FAM193A: variants seen among roughly 807,000 people sequenced by gnomAD.
FAM193A encodes the protein protein FAM193A.
Under a neutral mutation model 126.5 loss-of-function variants are expected in FAM193A, and 22 were observed. The observed-to-expected ratio is 0.17, with a 90% CI of 0.12 to 0.25. FAM193A has a LOEUF of 0.25. FAM193A is among the 10% of genes least tolerant of loss of function. FAM193A has a pLI of 1.00. For synonymous variants in FAM193A, 761 were observed against 646.8 expected (o/e 1.18, Z -2.68); for missense variants, 1,675 against 1,672.8 (o/e 1.00, Z -0.02).
chr4:2,685,472 G>C (rs1015532703), intron 13 of FAM193A, among the ~76,000 whole-genome samples: 6 of 152,134 alleles, frequency 3.9e-5, no homozygotes, highest in Non-Finnish European at 5.9e-5. Flanking sequence ...TGTGATCTTC[G>C]ACCTGCATGT....
intron 13 of FAM193A, among the ~76,000 whole-genome samples, chr4:2,677,537 G>A (rs1208973568): frequency 2.6e-5 from 4 of 151,788 alleles, no homozygotes; most frequent in Non-Finnish European, 4.4e-5. Flanking sequence ...TCAGGAGATC[G>A]AGACCATCCT....
At chr4:2,603,591 G>A (rs1577063838) in intron 2 of FAM193A, among the ~76,000 whole-genome samples, 1 of 150,586 alleles carries the variant, frequency 6.6e-6, no homozygotes, top group East Asian at 2.0e-4. Flanking sequence ...CAAGTAGCTG[G>A]GACTACGGGT....
At chr4:2,627,159 C>CTTTTT (rs11385994) in intron 4 of FAM193A, among the ~76,000 whole-genome samples, 1 of 126,304 alleles carries the variant, frequency 7.9e-6, no homozygotes, top group African/African-American at 3.0e-5. Context: ...TTTGATGTAA[C>CTTTTT]TTTTTTTTTT....
intron 5 of FAM193A, among the ~76,000 whole-genome samples, chr4:2,638,328 G>C (rs1222525997): frequency 1.3e-5 from 2 of 152,212 alleles, no homozygotes; most frequent in African/African-American, 4.8e-5. Flanking sequence ...GGGCAGCATG[G>C]GCTTGGCATT....
intron 1 of FAM193A, among the ~76,000 whole-genome samples, chr4:2,554,008 C>T (rs1342718286): frequency 1.3e-5 from 2 of 152,070 alleles, no homozygotes; most frequent in Non-Finnish European, 2.9e-5. Flanking sequence ...TTTTCCCAGT[C>T]TTGGGTATGT....
In FAM193A at chr4:2,562,579, A is replaced by G. The variant is rs931118816; in HGVS notation, c.255+25409A>G. Among the ~76,000 whole-genome samples the G allele has an allele frequency of 2.6e-5, 4 of 152,040 alleles. 1 individual carries two copies. Among genetic ancestry groups the G allele is most frequent in the Admixed American group, 2.0e-4 (3 of 15,242 alleles). ...TACTACTTATATTTCTAAATAAGGC[A>G]TTGAACTTTACAAAAGTGGCACCCA... On this transcript the variant is annotated intron_variant, in intron 1 of 20. Coordinates refer to ENST00000637812, the MANE Select transcript of FAM193A (RefSeq NM_001366318.2).
intron 16 of FAM193A, 111 bp from the exon 17 acceptor site, chr4:2,694,835 G>A (rs531900584): frequency 4.5e-6 from 4 of 898,036 alleles, no homozygotes; most frequent in Admixed American, 3.1e-5. Context: ...CACCCTCTGC[G>A]CTGCCTCTTG....
At chr4:2,667,406 TGAGA>T (rs1713245235) in intron 12 of FAM193A, among the ~76,000 whole-genome samples, 1 of 152,250 alleles carries the variant, frequency 6.6e-6, no homozygotes, top group African/African-American at 2.4e-5. Flanking sequence ...TATCGGTTAC[TGAGA>T]GAGGCATATT....
chr4:2,689,191 C>G (rs991440606), intron 13 of FAM193A, among the ~76,000 whole-genome samples: 1 of 152,202 alleles, frequency 6.6e-6, no homozygotes, highest in Non-Finnish European at 1.5e-5. Flanking sequence ...ACAGATCTTA[C>G]GACGCACATG....
At chr4:2,640,707 T>C (rs1211187141) in intron 6 of FAM193A, among the ~76,000 whole-genome samples, 1 of 152,190 alleles carries the variant, frequency 6.6e-6, no homozygotes, top group Non-Finnish European at 1.5e-5. Context: ...CTCACGCCTG[T>C]AATTCCAACA....
At chr4:2,660,922 A>G (rs1288186051) in intron 10 of FAM193A, among the ~76,000 whole-genome samples, 1 of 152,230 alleles carries the variant, frequency 6.6e-6, no homozygotes, top group Non-Finnish European at 1.5e-5. Context: ...GCTGCTGTTT[A>G]TTGCCTTAGA....
intron 1 of FAM193A, among the ~76,000 whole-genome samples, chr4:2,590,016 T>A (rs1432113482): frequency 6.6e-6 from 1 of 151,464 alleles, no homozygotes; most frequent in African/African-American, 2.4e-5. Context: ...AGGCATGTAA[T>A]CCCAGCTACT....
intron 18 of FAM193A, among the ~76,000 whole-genome samples, chr4:2,696,885 G>A (rs1387397468): frequency 6.6e-6 from 1 of 152,204 alleles, no homozygotes; most frequent in African/African-American, 2.4e-5. Flanking sequence ...TTATCTGCTG[G>A]AGAACCTTCT....
chr4:2,693,882 A>T lies in FAM193A; in HGVS notation c.3092+8A>T, dbSNP rs1013286702. On this transcript the variant is annotated splice_region_variant and intron_variant, in intron 16 of 20. Transcript: ENST00000637812. ...CCCTCCAAGTGTCTGCAGGTGAGCC[A>T]AGTCCTGACTGGGGACGTGGGAGCA... is the stretch of plus-strand genomic sequence containing the variant. The T allele has an allele frequency of 3.1e-6, 5 of 1,610,070 alleles. 1 individual carries two copies. In the South Asian group the frequency reaches 5.5e-5, roughly 18 times the overall value.
At chr4:2,686,210 G>A (rs552085361) in intron 13 of FAM193A, among the ~76,000 whole-genome samples, 3 of 152,176 alleles carry the variant, frequency 2.0e-5, no homozygotes, top group Admixed American at 6.5e-5. Flanking sequence ...CCCTACAACT[G>A]GGCTTCCGTT....
chr4:2,596,437 C>G (rs1467672610), intron 2 of FAM193A, 108 bp downstream of exon 2: 2 of 633,978 alleles, frequency 3.2e-6, no homozygotes, highest in African/African-American at 3.6e-5. Context: ...AGGGGGCACT[C>G]CCTCCTGCAC....
chr4:2,724,875 T>C (rs1268391602), intron 20 of FAM193A, among the ~76,000 whole-genome samples: 5 of 152,166 alleles, frequency 3.3e-5, no homozygotes, highest in Admixed American at 6.5e-5. Context: ...TTTTTTATTA[T>C]GAATTTTTTA....
Position 2,699,979 on chromosome 4 carries a change from A to C in FAM193A, c.3807A>C (p.Glu1269Asp). ...ATGGCTCACTAGAGCAAACTGAAGA[A>C]CCAGAAACCTCTTCTCACTCCCCAT... ...IHNGSLEQTE[E>D]PETSSHSPSR... The change falls in exon 19 of 21, where the codon GAA becomes GAC. Residue 1269 changes from glutamate (E) to aspartate (D), a missense_variant. Physicochemically the swap from Glu to Asp is conservative, Grantham distance 45. Transcript: ENST00000637812. The C allele has an allele frequency of 6.2e-7, 1 of 1,613,944 alleles. No homozygotes were observed. The highest frequency in any genetic ancestry group is 8.5e-7 in the Non-Finnish European group (1 of 1,179,972).
intron 2 of FAM193A, among the ~76,000 whole-genome samples, chr4:2,622,180 C>T (rs1742585569): frequency 7.0e-6 from 1 of 143,364 alleles, no homozygotes; most frequent in African/African-American, 2.7e-5. Context: ...TTGCTTGAGC[C>T]TGGGAGGCGG....
Sources: gnomAD v4.1 joint callset for allele counts (sites outside exome capture counted in the v4.1 genomes callset) on GRCh38, gnomAD v4.1.1 for gene constraint, MANE v1.5 for transcripts, NCBI Gene and HGNC (gene_info 2026-07-23, HGNC 2026-07-21) for gene names.